AAK1: variants seen among roughly 807,000 people sequenced by gnomAD.
AAK1 encodes the protein AP2-associated protein kinase 1.
Under a neutral mutation model 116.0 loss-of-function variants are expected in AAK1, and 37 were observed. That is an observed-to-expected ratio of 0.32 (90% CI 0.25 to 0.42). AAK1 has a LOEUF of 0.42. Ranked by LOEUF, AAK1 falls within the 10% of genes least tolerant of loss-of-function variation. AAK1 has a pLI of 1.00. For missense variants in AAK1, 919 were observed against 1,170.6 expected (o/e 0.79, Z 3.14); for synonymous variants, 458 against 439.9 (o/e 1.04, Z -0.51).
intron 2 of AAK1, among the ~76,000 whole-genome samples, chr2:69,617,993 G>C (rs1674420304): frequency 6.6e-6 from 1 of 152,002 alleles, no homozygotes; most frequent in African/African-American, 2.4e-5. Flanking sequence ...TGAGGTGAAG[G>C]GCTTCACTAA....
In AAK1 at chr2:69,496,006, G is replaced by GA; in HGVS notation, c.2343dup (p.Leu782SerfsTer5). 1 of 1,553,994 alleles carries GA rather than the reference G, an allele frequency of 6.4e-7. No individual in the cohort carries two copies. Among genetic ancestry groups the GA allele is most frequent in the Non-Finnish European group, 8.7e-7 (1 of 1,148,340 alleles). Reference sequence around the variant, plus strand: ...CTACCTGGTGCATCAGGTACTTGAAGAGGAATGAAAGGATCAGACACGCTT... The same window carrying GA: ...CTACCTGGTGCATCAGGTACTTGAAGAAGGAATGAAAGGATCAGACACGCTT... On this transcript the variant is annotated frameshift_variant, in exon 17 of 22. Coordinates refer to ENST00000409085, the MANE Select transcript of AAK1 (RefSeq NM_014911.5). LOFTEE classifies it high-confidence loss of function.
intron 8 of AAK1, among the ~76,000 whole-genome samples, chr2:69,529,475 T>C (rs1199596005): frequency 1.3e-5 from 2 of 152,196 alleles, no homozygotes; most frequent in Non-Finnish European, 2.9e-5. Flanking sequence ...GCTATGATGA[T>C]ACCAAATAGT....
rs1674975273 is a variant in AAK1, at chr2:69,478,990, C to T, written c.2641G>A (p.Glu881Lys). The T allele has an allele frequency of 6.2e-7, 1 of 1,613,908 alleles. No individual in the cohort carries two copies. Among genetic ancestry groups the T allele is most frequent in the Admixed American group, 1.7e-5 (1 of 60,020 alleles). Residue 881 changes from glutamate (E) to lysine (K), a missense_variant, in exon 20 of 22, where the codon GAG (glutamate) becomes AAG (lysine). Physicochemically the swap from Glu to Lys is moderately conservative, Grantham distance 56. Transcript: ENST00000409085. ...LSNPTTDLLE[E>K]FAPTAISAPV... ...GCAGAGATTGCTGTGGGGGCAAACTCTTCCAGAAGGTCAGTAGTAGGGTTA... is the reference window on the plus strand; with the variant it reads ...GCAGAGATTGCTGTGGGGGCAAACTTTTCCAGAAGGTCAGTAGTAGGGTTA...
At chr2:69,507,792 C>T (rs532963072) in intron 14 of AAK1, among the ~76,000 whole-genome samples, 52 of 151,896 alleles carry the variant, frequency 3.4e-4, no homozygotes, top group Non-Finnish European at 3.5e-4. Flanking sequence ...CTGCAACCTC[C>T]GTCTCCCAGG....
At chr2:69,600,594 G>T (rs1381238407) in intron 2 of AAK1, among the ~76,000 whole-genome samples, 1 of 152,176 alleles carries the variant, frequency 6.6e-6, no homozygotes, top group Non-Finnish European at 1.5e-5. Context: ...GCTTCTTACG[G>T]ATGGGCAAAA....
chr2:69,479,070 A>C lies in AAK1; in HGVS notation c.2570-9T>G. 6.3e-7 allele frequency: 1 copy of C among 1,576,134 alleles called. No individual in the cohort carries two copies. The highest frequency in any genetic ancestry group is 8.7e-7 in the Non-Finnish European group (1 of 1,145,550). On this transcript the variant is annotated splice_polypyrimidine_tract_variant and intron_variant, in intron 19 of 21. Coordinates refer to ENST00000409085, the MANE Select transcript of AAK1 (RefSeq NM_014911.5). ...TTCCCCGGTGAGAGAATCTGAGTCC[A>C]GATTAACAGCATCCCAGGTCAGTGA...
chr2:69,546,421 T>C (rs1359173986), intron 3 of AAK1, among the ~76,000 whole-genome samples: 5 of 152,222 alleles, frequency 3.3e-5, no homozygotes, highest in Admixed American at 3.3e-4. Flanking sequence ...CATCTCATCA[T>C]CAACCCATCT....
At position 69,623,469 on chromosome 2, in the gene AAK1, AC is replaced by A. The variant is rs1674757758; in HGVS notation, c.163+19408del. 2.0e-5 allele frequency among the ~76,000 whole-genome samples: 3 copies of A among 152,068 alleles called. No homozygotes were observed. The South Asian group carries it at 6.2e-4, about 32-fold the overall frequency. On this transcript the variant is annotated intron_variant, in intron 2 of 21. Coordinates refer to ENST00000409085, the MANE Select transcript of AAK1 (RefSeq NM_014911.5). ...CCTCCAGACTCAGCTCCCTCTGGTC[AC>A]CCTCCAGAAATCTAACTCAAGTGCT... is the stretch of plus-strand genomic sequence containing the variant.
Position 69,469,021 on chromosome 2 carries a change from A to C in AAK1, c.*6848T>G, listed in dbSNP as rs533981297. 123 of 985,346 alleles carry C rather than the reference A, an allele frequency of 1.2e-4. No homozygotes were observed. Among genetic ancestry groups the C allele is most frequent in the Non-Finnish European group, 1.4e-4 (119 of 829,942 alleles). The allele number at this position is 985,346 out of a possible 1,614,324, so 61.0% of individuals were successfully genotyped here. Reference sequence around the variant, plus strand: ...GAATATCAAGTTTGAAGGGAAAATTAGTCTCCTGTCCTTCAAAACAAGGAC... The same window carrying C: ...GAATATCAAGTTTGAAGGGAAAATTCGTCTCCTGTCCTTCAAAACAAGGAC... On this transcript the variant is annotated 3_prime_UTR_variant, in exon 22 of 22. Coordinates refer to ENST00000409085, the MANE Select transcript of AAK1 (RefSeq NM_014911.5).
intron 2 of AAK1, among the ~76,000 whole-genome samples, chr2:69,561,111 G>C (rs1454288723): frequency 1.3e-5 from 2 of 152,142 alleles, no homozygotes; most frequent in African/African-American, 2.4e-5. Context: ...AATTAATGCT[G>C]TTCAGGTCAC....
At chr2:69,561,727 T>C (rs1262373817) in intron 2 of AAK1, among the ~76,000 whole-genome samples, 2 of 152,230 alleles carry the variant, frequency 1.3e-5, no homozygotes, top group African/African-American at 4.8e-5. Flanking sequence ...GTTCTTCAGG[T>C]ACCTTTGCAG....
chr2:69,521,270 A>C (rs1292291636), intron 10 of AAK1, among the ~76,000 whole-genome samples: 1 of 152,182 alleles, frequency 6.6e-6, no homozygotes, highest in African/African-American at 2.4e-5. Context: ...TCTCAAAAAG[A>C]ATGCTATATA....
chr2:69,496,025 C>A lies in AAK1; in HGVS notation c.2325G>T (p.Val775=), dbSNP rs969376979. ...TVDSGLPLLS[V]SDPFIPLQVP... ...CTTGAAGAGGAATGAAAGGATCAGA[C>A]ACGCTTAGAAGCGGGAGGCCAGAGT... The change falls in exon 17 of 22, where the codon GTG becomes GTT. Residue 775 remains valine, a synonymous_variant. Coordinates refer to ENST00000409085, the MANE Select transcript of AAK1 (RefSeq NM_014911.5). 1.3e-6 allele frequency: 2 copies of A among 1,554,834 alleles called. No individual in the cohort carries two copies. Among genetic ancestry groups the A allele is most frequent in the African/African-American group, 1.4e-5 (1 of 73,248 alleles).
chr2:69,476,529 T>C (rs1298111750), intron 21 of AAK1, among the ~76,000 whole-genome samples: 2 of 152,164 alleles, frequency 1.3e-5, no homozygotes, highest in Admixed American at 1.3e-4. Context: ...GTTAATCTCT[T>C]TGGGAAAAAT....
chr2:69,509,574 GA>G, intron 13 of AAK1, 114 bp from the exon 14 acceptor site: 1 of 841,404 alleles, frequency 1.2e-6, no homozygotes, highest in Non-Finnish European at 1.8e-6. Flanking sequence ...GCACTAACAT[GA>G]AACTCACATG....
At chr2:69,551,038 T>C (rs1242982736) in intron 3 of AAK1, among the ~76,000 whole-genome samples, 1 of 152,058 alleles carries the variant, frequency 6.6e-6, no homozygotes, top group Non-Finnish European at 1.5e-5. Context: ...CTTTCTTTCA[T>C]GCTTCCTGTG....
intron 2 of AAK1, among the ~76,000 whole-genome samples, chr2:69,617,331 A>G (rs1267423290): frequency 6.6e-6 from 1 of 152,206 alleles, no homozygotes; most frequent in Non-Finnish European, 1.5e-5. Flanking sequence ...CTTTCAGAAG[A>G]CCCCACAAGC....
At position 69,468,197 on chromosome 2, in the gene AAK1, G is replaced by C. The variant is rs1411855319; in HGVS notation, c.*7672C>G. On this transcript the variant is annotated 3_prime_UTR_variant, in exon 22 of 22. Coordinates refer to ENST00000409085, the MANE Select transcript of AAK1 (RefSeq NM_014911.5). ...ATACGAAAGCATCAGTCAGTGGACAGGAAATAAACAGAATACCTTCTTCCT... is the reference window on the plus strand; with the variant it reads ...ATACGAAAGCATCAGTCAGTGGACACGAAATAAACAGAATACCTTCTTCCT... 1.0e-6 allele frequency: 1 copy of C among 985,278 alleles called. No homozygotes were observed. The highest frequency in any genetic ancestry group is 1.2e-6 in the Non-Finnish European group (1 of 829,924). The allele number at this position is 985,278 out of a possible 1,614,324, so 61.0% of individuals were successfully genotyped here.
At chr2:69,519,995 C>G (rs1669692379) in intron 11 of AAK1, 1 of 216,846 alleles carries the variant, frequency 4.6e-6, no homozygotes, top group Non-Finnish European at 9.9e-6. Flanking sequence ...TTAGTCCTGT[C>G]TCTTCCAGGC....
Sources: allele counts gnomAD v4.1 joint callset (sites outside exome capture counted in the v4.1 genomes callset), GRCh38; gene constraint gnomAD v4.1.1; transcripts MANE v1.5; gene names NCBI Gene and HGNC (gene_info 2026-07-23, HGNC 2026-07-21).